The following PRKN variants were observed in gnomAD, a reference collection of about 807,000 sequenced individuals.
PRKN encodes parkin RBR E3 ubiquitin protein ligase, also known as E3 ubiquitin-protein ligase parkin.
In PRKN, 56 loss-of-function variants were observed where a neutral mutation model predicts 59.5. The ratio of observed to expected loss-of-function variants is 0.94; its 90% CI spans 0.76 to 1.18. The LOEUF is 1.18. PRKN is among the 50% of genes most tolerant of loss of function. The pLI is 0.00. For missense variants in PRKN, 657 were observed against 596.4 expected (o/e 1.10, Z -1.06); for synonymous variants, 250 against 222.1 (o/e 1.13, Z -1.12).
chr6:162,208,106 A>G (rs1668272223), intron 3 of PRKN, among the ~76,000 whole-genome samples: 1 of 152,248 alleles, frequency 6.6e-6, no homozygotes, highest in South Asian at 2.1e-4. Context: ...GTTAAGGAGA[A>G]AAAGTGAAAT....
intron 7 of PRKN, among the ~76,000 whole-genome samples, chr6:161,678,216 C>CTTTTTT (rs3066554): frequency 0.018 from 1,154 of 64,934 alleles, 200 homozygotes; most frequent in African/African-American, 0.033. Context: ...TACTGAATCA[C>CTTTTTT]TTTTTTTTTT....
At chr6:162,171,751 A>C (rs949009168) in intron 4 of PRKN, among the ~76,000 whole-genome samples, 16 of 152,110 alleles carry the variant, frequency 1.1e-4, no homozygotes, top group African/African-American at 3.9e-4. Flanking sequence ...TCATAATCAC[A>C]ATTTATAACT....
intron 10 of PRKN, among the ~76,000 whole-genome samples, chr6:161,364,315 T>C (rs1785103218): frequency 6.6e-6 from 1 of 150,512 alleles, no homozygotes; most frequent in Non-Finnish European, 1.5e-5. Flanking sequence ...AAAAATTAGC[T>C]GGGCGCGGTG....
At chr6:162,124,335 T>G (rs1562527308) in intron 4 of PRKN, among the ~76,000 whole-genome samples, 1 of 152,194 alleles carries the variant, frequency 6.6e-6, no homozygotes, top group Non-Finnish European at 1.5e-5. Context: ...ACTTAAAATT[T>G]CCTCTGCAAA....
At chr6:162,309,503 G>T (rs924415050) in intron 2 of PRKN, among the ~76,000 whole-genome samples, 1 of 152,164 alleles carries the variant, frequency 6.6e-6, no homozygotes, top group Non-Finnish European at 1.5e-5. Context: ...CATCCAGGGG[G>T]ATAGGATCAG....
In PRKN at chr6:161,402,752, G is replaced by A. The variant is rs569445729; in HGVS notation, c.1084-15875C>T. On this transcript the variant is annotated intron_variant, in intron 9 of 11. Transcript: ENST00000366898. This position sits in a 1 kb window ranked among gnomAD's most constrained non-coding sequence, Gnocchi z 4.5. ...GCTTGGGGATTCTTGTGAGGGGGAG[G>A]AGGTTAGAGGAGGGCAAGGAGAGGA... 1.3e-5 allele frequency among the ~76,000 whole-genome samples: 2 copies of A among 152,126 alleles called. No homozygotes were observed. The highest frequency in any genetic ancestry group is 3.9e-4 in the East Asian group (2 of 5,178).
At chr6:161,913,671 A>G (rs1014632370) in intron 6 of PRKN, among the ~76,000 whole-genome samples, 1 of 152,252 alleles carries the variant, frequency 6.6e-6, no homozygotes, top group Non-Finnish European at 1.5e-5. Flanking sequence ...TTCTAACAAT[A>G]TATCTTATAA....
At chr6:161,931,447 A>C (rs1779168771) in intron 6 of PRKN, among the ~76,000 whole-genome samples, 4 of 152,176 alleles carry the variant, frequency 2.6e-5, no homozygotes, top group Admixed American at 2.6e-4. Flanking sequence ...GCACCCCCAG[A>C]GGCATTGTGT....
chr6:162,511,253 T>C (rs1287569456), intron 1 of PRKN, among the ~76,000 whole-genome samples: 3 of 152,156 alleles, frequency 2.0e-5, no homozygotes, highest in African/African-American at 4.8e-5. Context: ...TATTACTTAC[T>C]AATTGTGTTT....
chr6:161,978,712 A>G (rs1781146553), intron 5 of PRKN, among the ~76,000 whole-genome samples: 1 of 152,270 alleles, frequency 6.6e-6, no homozygotes. Flanking sequence ...GGGGCATAGC[A>G]GGGCCCAAGC....
At chr6:161,743,853 A>G (rs1231527365) in intron 7 of PRKN, among the ~76,000 whole-genome samples, 1 of 152,182 alleles carries the variant, frequency 6.6e-6, no homozygotes, top group Admixed American at 6.5e-5. Context: ...AGTCTGGTCA[A>G]TTCTGTTGGA....
intron 1 of PRKN, among the ~76,000 whole-genome samples, chr6:162,622,305 TTTG>T (rs1294136597): frequency 6.6e-6 from 1 of 151,158 alleles, no homozygotes; most frequent in Middle Eastern, 3.4e-3. Context: ...TTTTTTTTGT[TTTG>T]TTTTTTTTTG....
Position 161,554,851 on chromosome 6 carries a change from A to T in PRKN, c.934-5848T>A, listed in dbSNP as rs1167774653. The stretch of plus-strand genomic sequence containing the variant: ...TAAAATATTATGGATAAGCCTGAAA[A>T]TAATGTTTTTTTCCTTTGTAAATTA... On this transcript the variant is annotated intron_variant, in intron 8 of 11. Transcript: ENST00000366898. The surrounding 1 kb of genome is among the most constrained non-coding windows in gnomAD (Gnocchi z 4.5). Among the ~76,000 whole-genome samples the T allele has an allele frequency of 6.6e-6, 1 of 151,796 alleles. No individual in the cohort carries two copies. The highest frequency in any genetic ancestry group is 1.5e-5 in the Non-Finnish European group (1 of 67,946).
chr6:162,118,580 C>A (rs1407180247), intron 4 of PRKN, among the ~76,000 whole-genome samples: 2 of 152,124 alleles, frequency 1.3e-5, no homozygotes, highest in African/African-American at 4.8e-5. Flanking sequence ...TCAGTCAATG[C>A]CAAGCAAAAG....
chr6:161,718,015 A>G (rs1232225997), intron 7 of PRKN, among the ~76,000 whole-genome samples: 1 of 152,230 alleles, frequency 6.6e-6, no homozygotes, highest in Admixed American at 6.5e-5. Context: ...GGAGAAACAC[A>G]TCGACCAGAG....
chr6:162,116,917 G>C (rs776677282), intron 4 of PRKN, among the ~76,000 whole-genome samples: 2 of 152,152 alleles, frequency 1.3e-5, no homozygotes, highest in Admixed American at 6.5e-5. Flanking sequence ...GTTTTAGTCT[G>C]CTTATATTGC....
chr6:161,813,635 C>A (rs555850192), intron 6 of PRKN, among the ~76,000 whole-genome samples: 1 of 152,318 alleles, frequency 6.6e-6, no homozygotes, highest in South Asian at 2.1e-4. Flanking sequence ...GCTTGCTCTG[C>A]ATCCCAGAAA....
chr6:161,645,846 G>A (rs1053634590), intron 7 of PRKN, among the ~76,000 whole-genome samples: 10 of 152,286 alleles, frequency 6.6e-5, no homozygotes, highest in Non-Finnish European at 1.5e-4. Flanking sequence ...TCTTGAAAAG[G>A]GAAATAAGTT....
Position 161,873,952 on chromosome 6 carries a change from ATAT to A in PRKN, c.735-88047_735-88045del, listed in dbSNP as rs1481712946. The stretch of plus-strand genomic sequence containing the variant: ...TATATAATATATATAAAAGAAATAT[ATAT>A]TATATGTAAAATATAATATATAAAA... On this transcript the variant is annotated intron_variant, in intron 6 of 11. Coordinates refer to ENST00000366898, the MANE Select transcript of PRKN (RefSeq NM_004562.3). Among the ~76,000 whole-genome samples, 8 of 114,070 alleles carry A rather than the reference ATAT, an allele frequency of 7.0e-5. 1 individual carries two copies. The highest frequency in any genetic ancestry group is 2.7e-4 in the African/African-American group (8 of 29,434). 74.8% of individuals were successfully genotyped at this position (114,070 alleles called of 152,430 possible).
Sources: allele counts gnomAD v4.1 joint callset (sites outside exome capture counted in the v4.1 genomes callset), GRCh38; gene constraint gnomAD v4.1.1; non-coding constraint Gnocchi (gnomAD v3.1); transcripts MANE v1.5; gene names NCBI Gene and HGNC (gene_info 2026-07-23, HGNC 2026-07-21).